Variants in SKIC3 observed in about 807,000 individuals in gnomAD.
SKIC3 encodes the protein superkiller complex protein 3.
the SKIC3 span, chr5:95,464,620 A>C: frequency 8.7e-6 from 14 of 1,612,342 alleles, no homozygotes; most frequent in African/African-American, 1.3e-5. Flanking sequence ...TTGTGAGGAC[A>C]ATCTCTGATT....
chr5:95,542,697 G>A, the SKIC3 span, among the ~76,000 whole-genome samples: 1 of 152,114 alleles, frequency 6.6e-6, no homozygotes, highest in Non-Finnish European at 1.5e-5. Flanking sequence ...CAGTTTCAAA[G>A]GTGTGACTGA....
the SKIC3 span, among the ~76,000 whole-genome samples, chr5:95,531,588 A>G: frequency 5.5e-3 from 830 of 152,274 alleles, 10 homozygotes; most frequent in African/African-American, 0.019. Context: ...CATTGTCTGC[A>G]CTATCAGAAT....
chr5:95,540,352 G>A, the SKIC3 span, among the ~76,000 whole-genome samples: 1 of 151,934 alleles, frequency 6.6e-6, no homozygotes, highest in East Asian at 1.9e-4. Flanking sequence ...TGGGTTCAGT[G>A]TACACTACTC....
the SKIC3 span, among the ~76,000 whole-genome samples, chr5:95,519,688 C>T: frequency 4.9e-3 from 748 of 152,052 alleles, 5 homozygotes; most frequent in Middle Eastern, 0.02. Flanking sequence ...AGTATTAACG[C>T]CTTGTAAGTC....
chr5:95,525,619 G>T, the SKIC3 span: 2 of 1,613,980 alleles, frequency 1.2e-6, no homozygotes, highest in Admixed American at 3.3e-5. Context: ...CCTTTGTTCC[G>T]ATAGGCCAAG....
chr5:95,530,507 A>C, the SKIC3 span, among the ~76,000 whole-genome samples: 42 of 152,174 alleles, frequency 2.8e-4, 1 homozygote, highest in Admixed American at 1.6e-3. Context: ...TAAGCCACAT[A>C]GCCTACTGCT....
At chr5:95,554,238 T>C in the SKIC3 span, among the ~76,000 whole-genome samples, 4 of 152,190 alleles carry the variant, frequency 2.6e-5, no homozygotes, top group African/African-American at 9.7e-5. Flanking sequence ...TGCCAGATAT[T>C]AGTATTCAGT....
the SKIC3 span, among the ~76,000 whole-genome samples, chr5:95,526,987 C>T: frequency 6.6e-6 from 1 of 152,130 alleles, no homozygotes; most frequent in African/African-American, 2.4e-5. Context: ...CTTAGCATCC[C>T]CCCAAACATT....
the SKIC3 span, among the ~76,000 whole-genome samples, chr5:95,553,264 T>C: frequency 1.1e-4 from 16 of 152,258 alleles, no homozygotes; most frequent in African/African-American, 3.9e-4. Context: ...GATGTATTCT[T>C]GTAAGCCTGT....
chr5:95,465,266 GGTTTT>G, the SKIC3 span, among the ~76,000 whole-genome samples: 1 of 151,978 alleles, frequency 6.6e-6, no homozygotes, highest in East Asian at 1.9e-4. Flanking sequence ...TAAAATTAAA[GGTTTT>G]GTTTGTTGGC....
chr5:95,522,257 G>T, the SKIC3 span: 1 of 1,613,586 alleles, frequency 6.2e-7, no homozygotes, highest in Admixed American at 1.7e-5. Flanking sequence ...TTCTCCTAAC[G>T]ATTCCCAACA....
chr5:95,498,163 T>A, the SKIC3 span, among the ~76,000 whole-genome samples: 367 of 152,228 alleles, frequency 2.4e-3, 3 homozygotes, highest in African/African-American at 8.4e-3. Context: ...AGGGCCAAAT[T>A]TATCAATTGA....
the SKIC3 span, among the ~76,000 whole-genome samples, chr5:95,554,126 G>A: frequency 6.6e-6 from 1 of 152,258 alleles, no homozygotes; most frequent in Admixed American, 6.5e-5. Context: ...CGCAGCAGAT[G>A]CTCAGTAAAT....
the SKIC3 span, among the ~76,000 whole-genome samples, chr5:95,490,431 T>A: frequency 1.1e-4 from 16 of 146,972 alleles, no homozygotes; most frequent in African/African-American, 4.0e-4. Flanking sequence ...ATATATATAT[T>A]CATTAAATAA....
chr5:95,517,067 G>T, the SKIC3 span: 1 of 1,613,514 alleles, frequency 6.2e-7, no homozygotes, highest in Non-Finnish European at 8.5e-7. Context: ...ACACCTACGG[G>T]AATATAAAAG....
At chr5:95,540,546 G>C in the SKIC3 span, 1 of 1,004,534 alleles carries the variant, frequency 1.0e-6, no homozygotes. Flanking sequence ...AAATATACAG[G>C]TGCAAATGAA....
At chr5:95,491,662 T>C in the SKIC3 span, among the ~76,000 whole-genome samples, 2 of 152,344 alleles carry the variant, frequency 1.3e-5, no homozygotes, top group South Asian at 2.1e-4. Context: ...AAGGGAACTT[T>C]TTATGCATAG....
chr5:95,504,523 T>C, the SKIC3 span, among the ~76,000 whole-genome samples: 10 of 151,928 alleles, frequency 6.6e-5, no homozygotes, highest in South Asian at 2.1e-3. Context: ...GAATACTTAA[T>C]TAAATATTAC....
chr5:95,536,641 C>G, the SKIC3 span: 3 of 605,914 alleles, frequency 5.0e-6, no homozygotes, highest in Non-Finnish European at 8.8e-6. Flanking sequence ...CTGTACTTTC[C>G]TATATTTATT....
Sources: allele counts gnomAD v4.1 joint callset (sites outside exome capture counted in the v4.1 genomes callset), GRCh38; gene constraint gnomAD v4.1.1; transcripts MANE v1.5; gene names NCBI Gene and HGNC (gene_info 2026-07-23, HGNC 2026-07-21).